Variants in PLCL1 observed in about 807,000 individuals in gnomAD.
The protein encoded by PLCL1 is inactive phospholipase C-like protein 1.
PLCL1 carries 41 observed loss-of-function variants against 84.4 expected under a neutral mutation model. The ratio of observed to expected loss-of-function variants is 0.49; its 90% CI spans 0.38 to 0.63. PLCL1 has a LOEUF of 0.63. PLCL1 is among the 30% of genes least tolerant of loss of function. The pLI, the probability that PLCL1 is intolerant of heterozygous loss-of-function variation, is 0.00. For missense variants in PLCL1, 1,206 were observed against 1,367.8 expected (o/e 0.88, Z 1.87); for synonymous variants, 490 against 488.3 (o/e 1.00, Z -0.05).
chr2:197,943,353 G>GACAC (rs573194217), intron 1 of PLCL1, among the ~76,000 whole-genome samples: 2 of 150,374 alleles, frequency 1.3e-5, no homozygotes, highest in Non-Finnish European at 3.0e-5. Flanking sequence ...ACTTCTATAA[G>GACAC]ACACACACAC....
chr2:198,133,373 T>G (rs1336471281), intron 5 of PLCL1, among the ~76,000 whole-genome samples: 1 of 78,518 alleles, frequency 1.3e-5, no homozygotes, highest in Non-Finnish European at 2.3e-5. Flanking sequence ...CTGGGGACTG[T>G]GGTGGGGTGG....
At chr2:198,035,010 T>C (rs1398191243) in intron 1 of PLCL1, among the ~76,000 whole-genome samples, 3 of 152,232 alleles carry the variant, frequency 2.0e-5, no homozygotes, top group Non-Finnish European at 2.9e-5. Flanking sequence ...TATCTATTTC[T>C]GCCCTTACTT....
intron 5 of PLCL1, among the ~76,000 whole-genome samples, chr2:198,127,742 G>C (rs1188506310): frequency 6.6e-6 from 1 of 152,122 alleles, no homozygotes; most frequent in Non-Finnish European, 1.5e-5. Flanking sequence ...TGGAAGCAGA[G>C]GAATAAACCA....
chr2:197,922,017 T>TTTA (rs1553502539), intron 1 of PLCL1, among the ~76,000 whole-genome samples: 23 of 139,302 alleles, frequency 1.7e-4, no homozygotes, highest in East Asian at 1.0e-3. Context: ...TTTTTTTTTT[T>TTTA]AAATTTATTT....
intron 1 of PLCL1, among the ~76,000 whole-genome samples, chr2:197,876,070 A>G (rs904703008): frequency 6.6e-6 from 1 of 152,204 alleles, no homozygotes; most frequent in Non-Finnish European, 1.5e-5. Flanking sequence ...ATAGGCACTA[A>G]CTATAAAAAC....
chr2:197,892,868 G>A (rs1332398574), intron 1 of PLCL1, among the ~76,000 whole-genome samples: 4 of 152,154 alleles, frequency 2.6e-5, no homozygotes, highest in East Asian at 1.9e-4. Context: ...GGTGGCACGC[G>A]CCTGTAGTCC....
chr2:198,128,505 G>A (rs1438521964), intron 5 of PLCL1, among the ~76,000 whole-genome samples: 1 of 152,104 alleles, frequency 6.6e-6, no homozygotes, highest in Non-Finnish European at 1.5e-5. Flanking sequence ...GAAATCATGG[G>A]GCGTTACTGT....
chr2:197,995,226 C>T (rs1345804944), intron 1 of PLCL1, among the ~76,000 whole-genome samples: 1 of 152,072 alleles, frequency 6.6e-6, no homozygotes, highest in Non-Finnish European at 1.5e-5. Flanking sequence ...CTGTTATTTC[C>T]TATGAATCTC....
At chr2:198,094,122 C>T (rs898696117) in intron 3 of PLCL1, among the ~76,000 whole-genome samples, 5 of 152,008 alleles carry the variant, frequency 3.3e-5, no homozygotes, top group Admixed American at 6.6e-5. Flanking sequence ...AGTACAGTGG[C>T]GCGATCTCAG....
chr2:198,013,496 A>G (rs1690918164), intron 1 of PLCL1, among the ~76,000 whole-genome samples: 1 of 152,082 alleles, frequency 6.6e-6, no homozygotes, highest in Admixed American at 6.6e-5. Flanking sequence ...TCTTACTCCA[A>G]GACTCTGTGT....
At position 198,084,408 on chromosome 2, in the gene PLCL1, C is replaced by A. The variant is rs764435154; in HGVS notation, c.891C>A (p.Arg297=). The A allele has an allele frequency of 1.3e-5, 21 of 1,614,126 alleles. No homozygotes were observed. The highest frequency in any genetic ancestry group is 1.7e-5 in the Non-Finnish European group (20 of 1,179,982). The change falls in exon 2 of 6, where the codon CGC becomes CGA. Residue 297 remains arginine (R), a synonymous_variant. Coordinates refer to ENST00000428675, the MANE Select transcript of PLCL1 (RefSeq NM_006226.4). ...IQKSKEKLTT[R]VTEEEFCEAF... is the part of the protein sequence containing the mutation. ...AGAGCAAGGAAAAACTAACCACCCG[C>A]GTGACCGAAGAGGAATTTTGTGAAG...
chr2:198,087,046 T>G (rs1020757116), intron 2 of PLCL1, among the ~76,000 whole-genome samples: 2 of 152,100 alleles, frequency 1.3e-5, no homozygotes, highest in Non-Finnish European at 2.9e-5. Context: ...CAAGAACAAG[T>G]AAAACTAAAC....
intron 5 of PLCL1, among the ~76,000 whole-genome samples, chr2:198,125,834 A>T (rs1405780116): frequency 6.6e-6 from 1 of 152,284 alleles, no homozygotes; most frequent in East Asian, 1.9e-4. Context: ...GAACAAAAAA[A>T]TATGGAAAAT....
At chr2:198,102,020 A>G (rs999614490) in intron 4 of PLCL1, among the ~76,000 whole-genome samples, 1 of 152,062 alleles carries the variant, frequency 6.6e-6, no homozygotes, top group Non-Finnish European at 1.5e-5. Context: ...CAACTCTGCA[A>G]AGTAATCATC....
intron 1 of PLCL1, among the ~76,000 whole-genome samples, chr2:197,813,794 A>G (rs1319801354): frequency 6.6e-6 from 1 of 152,188 alleles, no homozygotes; most frequent in Non-Finnish European, 1.5e-5. Flanking sequence ...TAATAAACGC[A>G]GAGCCAAGAA....
Position 198,086,012 on chromosome 2 carries a change from T to C in PLCL1, c.2495T>C (p.Val832Ala), listed in dbSNP as rs1692868905. The change falls in exon 2 of 6, where the codon GTG (valine) becomes GCG (alanine). Residue 832 changes from valine (V) to alanine (A), a missense_variant. Coordinates refer to ENST00000428675, the MANE Select transcript of PLCL1 (RefSeq NM_006226.4). ...GYRHVPLRSF[V>A]GDIMEHVTLF... ...CGGCATGTTCCCCTGCGTTCTTTTG[T>C]GGGTGACATCATGGAGCACGTAACC... 2 of 1,613,998 alleles carry C rather than the reference T, an allele frequency of 1.2e-6. No individual in the cohort carries two copies. Among genetic ancestry groups the C allele is most frequent in the Non-Finnish European group, 1.7e-6 (2 of 1,179,992 alleles).
chr2:198,016,080 A>G (rs1690990899), intron 1 of PLCL1, among the ~76,000 whole-genome samples: 1 of 152,204 alleles, frequency 6.6e-6, no homozygotes, highest in South Asian at 2.1e-4. Flanking sequence ...TGCCCTGTGT[A>G]GTATCATGTA....
intron 1 of PLCL1, among the ~76,000 whole-genome samples, chr2:198,034,713 A>C (rs187446509): frequency 6.6e-6 from 1 of 152,310 alleles, no homozygotes; most frequent in East Asian, 1.9e-4. Flanking sequence ...GATTCTGCTG[A>C]TTGTCTCATC....
At chr2:198,099,511 G>A (rs1693280403) in intron 3 of PLCL1, among the ~76,000 whole-genome samples, 1 of 152,038 alleles carries the variant, frequency 6.6e-6, no homozygotes, top group African/African-American at 2.4e-5. Flanking sequence ...GCTGTTGACA[G>A]AGAGAAAAAT....
Sources: gnomAD v4.1 joint callset for allele counts (sites outside exome capture counted in the v4.1 genomes callset) on GRCh38, gnomAD v4.1.1 for gene constraint, MANE v1.5 for transcripts, NCBI Gene and HGNC (gene_info 2026-07-23, HGNC 2026-07-21) for gene names.